The following ATG2B variants were observed in gnomAD, a reference collection of about 807,000 sequenced individuals.
The protein encoded by ATG2B is autophagy-related protein 2 homolog B.
ATG2B carries 121 observed loss-of-function variants against 241.3 expected under a neutral mutation model. The observed-to-expected ratio is 0.50, with a 90% CI of 0.43 to 0.58. The LOEUF (loss-of-function observed/expected upper bound fraction) is 0.58, where lower values mean the gene tolerates loss of function less well. Ranked by LOEUF, ATG2B falls within the 20% of genes least tolerant of loss-of-function variation. ATG2B has a pLI of 0.00. For synonymous variants in ATG2B, 858 were observed against 876.6 expected, an observed-to-expected ratio of 0.98 and a Z score of 0.37; for missense variants, 2,306 against 2,491.6, an observed-to-expected ratio of 0.93 and a Z score of 1.59.
At chr14:96,332,214 G>C in intron 10 of ATG2B, 91 bp downstream of exon 10, 2 of 826,936 alleles carry the variant, frequency 2.4e-6, no homozygotes, top group Non-Finnish European at 3.6e-6. Context: ...GCCAAGACCA[G>C]AAAAAAAAAA....
intron 1 of ATG2B, among the ~76,000 whole-genome samples, chr14:96,359,618 C>T (rs569354445): frequency 3.0e-4 from 45 of 152,238 alleles, no homozygotes; most frequent in African/African-American, 9.1e-4. Flanking sequence ...ATCCAACTTC[C>T]CACCCCAAAT....
intron 6 of ATG2B, among the ~76,000 whole-genome samples, chr14:96,339,027 T>C (rs1012026262): frequency 6.6e-6 from 1 of 152,048 alleles, no homozygotes; most frequent in African/African-American, 2.4e-5. Context: ...CATGAAAAAG[T>C]GTTCAACATC....
At chr14:96,330,667 G>C (rs530842880) in intron 11 of ATG2B, among the ~76,000 whole-genome samples, 1 of 152,204 alleles carries the variant, frequency 6.6e-6, no homozygotes, top group African/African-American at 2.4e-5. Context: ...AGGAGGCTGA[G>C]GCTGCAGAAT....
In ATG2B at chr14:96,331,551, G is replaced by A; in HGVS notation, c.1555C>T (p.Leu519Phe). The A allele has an allele frequency of 3.7e-6, 6 of 1,614,094 alleles. No individual in the cohort carries two copies. Among genetic ancestry groups the A allele is most frequent in the Non-Finnish European group, 5.1e-6 (6 of 1,179,954 alleles). ...LAVGTFSISV[L>F]HIDPLSPPET... is the part of the protein sequence containing the mutation. Reference sequence around the variant, plus strand: ...GGTGGAGATAAAGGATCAATGTGAAGCACAGAGATTGAAAAAGTTCCCACA... The same window carrying A: ...GGTGGAGATAAAGGATCAATGTGAAACACAGAGATTGAAAAAGTTCCCACA... Residue 519 changes from leucine (L) to phenylalanine (F), a missense_variant, in exon 11 of 42, where the codon CTT becomes TTT. Physicochemically the swap from Leu to Phe is conservative, Grantham distance 22. Coordinates refer to ENST00000359933, the MANE Select transcript of ATG2B (RefSeq NM_018036.7).
At chr14:96,334,993 C>T (rs1030225277) in intron 6 of ATG2B, among the ~76,000 whole-genome samples, 1 of 152,208 alleles carries the variant, frequency 6.6e-6, no homozygotes, top group African/African-American at 2.4e-5. Context: ...CCAGTACCTA[C>T]TGTGGTCCAC....
At chr14:96,311,508 G>A in intron 27 of ATG2B, 34 bp downstream of exon 27, 1 of 1,512,662 alleles carries the variant, frequency 6.6e-7, no homozygotes, top group African/African-American at 1.4e-5. Context: ...TTAAAAAATA[G>A]AACTTAAAAT....
Position 96,330,717 on chromosome 14 carries a change from T to C in ATG2B, c.1730+659A>G, listed in dbSNP as rs192030045. Among the ~76,000 whole-genome samples, 14 of 152,328 alleles carry C rather than the reference T, an allele frequency of 9.2e-5. No homozygotes were observed. In the East Asian group the frequency reaches 2.1e-3, roughly 23 times the overall value. On this transcript the variant is annotated intron_variant, in intron 11 of 41. Transcript: ENST00000359933. ...AGGCAGAGGTTGCAGTGAGCCAAGATTGCGCCACTGCACTCCAGCCTGGAC... is the reference window on the plus strand; with the variant it reads ...AGGCAGAGGTTGCAGTGAGCCAAGACTGCGCCACTGCACTCCAGCCTGGAC...
At chr14:96,318,921 G>A (rs976115412) in intron 18 of ATG2B, among the ~76,000 whole-genome samples, 10 of 152,160 alleles carry the variant, frequency 6.6e-5, no homozygotes, top group African/African-American at 1.9e-4. Flanking sequence ...ACTGCAAGCC[G>A]CCCAAGAGAG....
intron 14 of ATG2B, among the ~76,000 whole-genome samples, chr14:96,327,621 T>C (rs1000560721): frequency 2.6e-5 from 4 of 152,148 alleles, no homozygotes; most frequent in South Asian, 2.1e-4. Context: ...AAAACTCTGA[T>C]AGACATGAAA....
rs751482145 is a variant in ATG2B, at chr14:96,303,049, G to A, written c.5037+12C>T. 4 of 1,542,996 alleles carry A rather than the reference G, an allele frequency of 2.6e-6. 1 individual carries two copies. Among genetic ancestry groups the A allele is most frequent in the Non-Finnish European group, 1.8e-6 (2 of 1,140,616 alleles). The stretch of plus-strand genomic sequence containing the variant: ...AAAACTAACATAACACAACGATGAG[G>A]TTAACTCTTACCATGTTGGAGTGAG... On this transcript the variant is annotated intron_variant, in intron 33 of 41. Transcript: ENST00000359933.
intron 6 of ATG2B, among the ~76,000 whole-genome samples, chr14:96,335,522 C>T (rs545167384): frequency 6.6e-6 from 1 of 152,032 alleles, no homozygotes; most frequent in African/African-American, 2.4e-5. Context: ...ATTAATGTTC[C>T]TGTTTTATAG....
intron 34 of ATG2B, among the ~76,000 whole-genome samples, chr14:96,299,581 T>C (rs1280495): frequency 0.75 from 114,323 of 152,042 alleles, 43,214 homozygotes; most frequent in East Asian, 0.83. Context: ...CTAAAATGGA[T>C]AATAGGCTAG....
chr14:96,348,619 G>C (rs983104022), intron 1 of ATG2B, among the ~76,000 whole-genome samples: 2 of 151,112 alleles, frequency 1.3e-5, no homozygotes, highest in African/African-American at 4.9e-5. Context: ...GGAGGCGGAG[G>C]CTGCAGTGAG....
At chr14:96,306,981 C>A (rs1409475596) in intron 29 of ATG2B, 65 bp from the exon 30 acceptor site, 1 of 1,347,610 alleles carries the variant, frequency 7.4e-7, no homozygotes, top group South Asian at 1.3e-5. Flanking sequence ...GCATTTTAAC[C>A]ATGTGTCAGA....
At chr14:96,337,430 A>T (rs1196479041) in intron 6 of ATG2B, among the ~76,000 whole-genome samples, 1 of 152,188 alleles carries the variant, frequency 6.6e-6, no homozygotes, top group African/African-American at 2.4e-5. Context: ...GTATTTATAC[A>T]GTGTCTTTAT....
rs1437302448 is a variant in ATG2B at position 96,287,124 on chromosome 14, A to G, written c.6007-1139T>C. On this transcript the variant is annotated intron_variant, in intron 41 of 41. Coordinates refer to ENST00000359933, the MANE Select transcript of ATG2B (RefSeq NM_018036.7). ...CACAAAACTAGCCGGGCGTGGTGGC[A>G]GGCGCCTGTAGTCCCAGCTACTTGG... 1.7e-4 allele frequency among the ~76,000 whole-genome samples: 26 copies of G among 151,990 alleles called. No homozygotes were observed. In the East Asian group the frequency reaches 4.1e-3, roughly 24 times the overall value.
In ATG2B at chr14:96,316,635, C is replaced by T; in HGVS notation, c.3259G>A (p.Glu1087Lys). The part of the protein sequence containing the change: ...LENKHGEFWL[E>K]FNSGSLFCVT... ...CAAAATAATGAACCACTATTGAACT[C>T]TAACCAGAATTCACCATGCTTGTTT... The change falls in exon 21 of 42, where the codon GAG (glutamate) becomes AAG (lysine). Residue 1087 changes from glutamate (E) to lysine (K), a missense_variant. Transcript: ENST00000359933. 6.2e-7 allele frequency: 1 copy of T among 1,612,594 alleles called. No homozygotes were observed. Among genetic ancestry groups the T allele is most frequent in the Non-Finnish European group, 8.5e-7 (1 of 1,179,614 alleles).
Position 96,343,161 on chromosome 14 carries a change from A to G in ATG2B, c.702T>C (p.Ser234=). The part of the protein sequence containing the change: ...SGVSLFWDEF[S]ASAKSSPVCS... ...ACACTGGGGAAGATTTGGCTGATGC[A>G]GAAAACTCATCCCAGAAGAGAGACA... The change falls in exon 5 of 42, where the codon TCT becomes TCC. Residue 234 remains serine, a synonymous_variant. Transcript: ENST00000359933. The G allele has an allele frequency of 1.2e-6, 2 of 1,605,786 alleles. No individual in the cohort carries two copies. The highest frequency in any genetic ancestry group is 1.7e-6 in the Non-Finnish European group (2 of 1,175,206).
chr14:96,321,809 C>T (rs557866976), intron 18 of ATG2B, among the ~76,000 whole-genome samples: 33 of 152,264 alleles, frequency 2.2e-4, no homozygotes, highest in African/African-American at 6.7e-4. Flanking sequence ...TAACTCTTCA[C>T]GTCACTGCAC....
Sources: allele counts gnomAD v4.1 joint callset (sites outside exome capture counted in the v4.1 genomes callset), GRCh38; gene constraint gnomAD v4.1.1; transcripts MANE v1.5; gene names NCBI Gene and HGNC (gene_info 2026-07-23, HGNC 2026-07-21).